CPQ: variants seen among roughly 807,000 people sequenced by gnomAD.
CPQ encodes carboxypeptidase Q.
CPQ carries 37 observed loss-of-function variants against 45.7 expected under a neutral mutation model. The observed-to-expected ratio is 0.81, with a 90% confidence interval of 0.62 to 1.07. The LOEUF (loss-of-function observed/expected upper bound fraction) is 1.07, where lower values mean the gene tolerates loss of function less well. Ranked by LOEUF, CPQ falls within the 50% of genes least tolerant of loss-of-function variation. The pLI is 0.00. For synonymous variants in CPQ, 186 were observed against 205.8 expected, an observed-to-expected ratio of 0.90 and a Z score of 0.82; for missense variants, 537 against 572.9, an observed-to-expected ratio of 0.94 and a Z score of 0.64.
rs572990063 is a variant in CPQ, at chr8:96,743,398, C to T, written c.-34-41466C>T. 1.3e-3 allele frequency among the ~76,000 whole-genome samples: 203 copies of T among 151,970 alleles called. 2 individuals carry two copies. The highest frequency in any genetic ancestry group is 4.8e-3 in the African/African-American group (199 of 41,434). The stretch of plus-strand genomic sequence containing the variant: ...TCTTCTAAATTTTTTTCAAAGTTTT[C>T]AACTTCTTTGCCTTTGGTTTGAATG... On this transcript the variant is annotated intron_variant, in intron 1 of 7. Transcript: ENST00000220763.
chr8:97,038,372 C>T (rs1263585000), intron 6 of CPQ, among the ~76,000 whole-genome samples: 3 of 152,182 alleles, frequency 2.0e-5, no homozygotes, highest in African/African-American at 7.2e-5. Context: ...CAAATAGTTT[C>T]TGCCTCAGTG....
intron 7 of CPQ, among the ~76,000 whole-genome samples, chr8:97,137,031 G>A (rs1384501144): frequency 2.6e-5 from 4 of 152,142 alleles, no homozygotes; most frequent in African/African-American, 4.8e-5. Flanking sequence ...GCCAGCCAGC[G>A]GGCCCACCCT....
intron 5 of CPQ, among the ~76,000 whole-genome samples, chr8:97,019,324 A>G (rs1041344946): frequency 1.3e-5 from 2 of 152,206 alleles, no homozygotes; most frequent in African/African-American, 4.8e-5. Flanking sequence ...CAAAAAGCAA[A>G]AAACCAAAGT....
chr8:96,802,990 TACAC>T (rs71569185), intron 2 of CPQ, among the ~76,000 whole-genome samples: 1,488 of 143,998 alleles, frequency 0.01, 22 homozygotes, highest in African/African-American at 0.035. Flanking sequence ...AACAGAAGCA[TACAC>T]ACACACACAC....
chr8:97,010,210 C>T (rs1201900322), intron 5 of CPQ, among the ~76,000 whole-genome samples: 1 of 152,078 alleles, frequency 6.6e-6, no homozygotes, highest in Non-Finnish European at 1.5e-5. Context: ...TCTACCTATG[C>T]CATTAGTATT....
intron 5 of CPQ, among the ~76,000 whole-genome samples, chr8:97,021,579 A>G (rs187408471): frequency 6.6e-6 from 1 of 152,334 alleles, no homozygotes; most frequent in East Asian, 1.9e-4. Flanking sequence ...CCAAACTGAG[A>G]ATCAAATCAA....
rs1372211744 is a variant in CPQ at position 96,805,918 on chromosome 8, C to T, written c.433+20588C>T. ...AGAACTAGCTGGACGGGGCCAGTAA[C>T]GGGGTTGCATATGACCTTCTGGGTG... On this transcript the variant is annotated intron_variant, in intron 2 of 7. Coordinates refer to ENST00000220763, the MANE Select transcript of CPQ (RefSeq NM_016134.4). Among the ~76,000 whole-genome samples the T allele has an allele frequency of 3.3e-5, 5 of 152,146 alleles. 1 individual carries two copies. Among genetic ancestry groups the T allele is most frequent in the East Asian group, 1.9e-4 (1 of 5,180 alleles).
chr8:96,751,829 G>A (rs1810266163), intron 1 of CPQ, among the ~76,000 whole-genome samples: 1 of 152,130 alleles, frequency 6.6e-6, no homozygotes, highest in South Asian at 2.1e-4. Context: ...GTATAAGTAA[G>A]GGGTCCAGTT....
intron 2 of CPQ, among the ~76,000 whole-genome samples, chr8:96,830,180 G>T (rs946198781): frequency 6.6e-6 from 1 of 152,156 alleles, no homozygotes; most frequent in Non-Finnish European, 1.5e-5. Context: ...TTCCTGTTCA[G>T]AGGTGAAGAC....
chr8:96,795,081 CT>C (rs896550819), intron 2 of CPQ, among the ~76,000 whole-genome samples: 3 of 152,156 alleles, frequency 2.0e-5, no homozygotes, highest in Non-Finnish European at 2.9e-5. Context: ...TTTTGGGTAT[CT>C]TTTCAGCAGC....
At chr8:97,072,736 C>G (rs1323528955) in intron 7 of CPQ, among the ~76,000 whole-genome samples, 1 of 152,170 alleles carries the variant, frequency 6.6e-6, no homozygotes, top group Non-Finnish European at 1.5e-5. Flanking sequence ...ACTCATGATG[C>G]AGCTCCTTGT....
At position 97,046,293 on chromosome 8, in the gene CPQ, C is replaced by G. The variant is rs373789738; in HGVS notation, c.1053+16799C>G. On this transcript the variant is annotated intron_variant, in intron 6 of 7. Transcript: ENST00000220763. ...TTTTTTTTTTTTCCAGAAGACCTCTCTCGTGTACTCTCATCAAATGCTTGT... is the reference window on the plus strand; with the variant it reads ...TTTTTTTTTTTTCCAGAAGACCTCTGTCGTGTACTCTCATCAAATGCTTGT... Among the ~76,000 whole-genome samples the G allele has an allele frequency of 4.6e-5, 7 of 150,580 alleles. No individual in the cohort carries two copies. In the East Asian group the frequency reaches 9.8e-4, roughly 21 times the overall value.
At chr8:97,074,799 G>A (rs980902583) in intron 7 of CPQ, among the ~76,000 whole-genome samples, 1 of 151,882 alleles carries the variant, frequency 6.6e-6, no homozygotes, top group Admixed American at 6.6e-5. Flanking sequence ...GAAGAGGGTA[G>A]AGAAGGACAT....
At chr8:96,671,173 A>G (rs1364066036) in intron 1 of CPQ, among the ~76,000 whole-genome samples, 1 of 152,214 alleles carries the variant, frequency 6.6e-6, no homozygotes, top group East Asian at 1.9e-4. Flanking sequence ...CTTGTACTTG[A>G]TAACCTTAAG....
chr8:96,895,185 T>A (rs982394241), intron 4 of CPQ, among the ~76,000 whole-genome samples: 1 of 152,220 alleles, frequency 6.6e-6, no homozygotes, highest in Non-Finnish European at 1.5e-5. Flanking sequence ...TTAGTTTTTT[T>A]CTAAGCATGT....
intron 6 of CPQ, among the ~76,000 whole-genome samples, chr8:97,050,879 T>A (rs1006760513): frequency 5.9e-5 from 9 of 152,214 alleles, no homozygotes; most frequent in Non-Finnish European, 1.3e-4. Flanking sequence ...TTGTTGGTAA[T>A]AACAATGCCT....
intron 1 of CPQ, chr8:96,680,539 T>G (rs560413180): frequency 6.6e-6 from 1 of 152,404 alleles, no homozygotes; most frequent in East Asian, 1.9e-4. Flanking sequence ...CTCCCAGCCC[T>G]GTGTAACTGT....
chr8:97,125,212 A>G (rs1811828523), intron 7 of CPQ, among the ~76,000 whole-genome samples: 1 of 152,172 alleles, frequency 6.6e-6, no homozygotes, highest in Non-Finnish European at 1.5e-5. Context: ...AAAAAACCTA[A>G]ATACTCCTAT....
intron 2 of CPQ, among the ~76,000 whole-genome samples, chr8:96,803,604 C>G (rs1177828909): frequency 6.6e-6 from 1 of 152,070 alleles, no homozygotes; most frequent in Admixed American, 6.6e-5. Context: ...ATACACTGAA[C>G]CTTTTGAGGT....
Sources: allele counts gnomAD v4.1 joint callset (sites outside exome capture counted in the v4.1 genomes callset), GRCh38; gene constraint gnomAD v4.1.1; transcripts MANE v1.5; gene names NCBI Gene and HGNC (gene_info 2026-07-23, HGNC 2026-07-21).